RBMS3: variants seen among roughly 807,000 people sequenced by gnomAD.
RBMS3 encodes the protein RNA binding motif single stranded interacting protein 3, also known as RNA-binding motif, single-stranded-interacting protein 3.
RBMS3 carries 27 observed loss-of-function variants against 66.8 expected under a neutral mutation model. That is an observed-to-expected ratio of 0.40 (90% CI 0.30 to 0.56). RBMS3 has a LOEUF of 0.56. RBMS3 is among the 20% of genes least tolerant of loss of function. The probability of loss-of-function intolerance (pLI) is 0.40; values close to 1 mark genes in which losing one functional copy is unlikely to be tolerated. For synonymous variants in RBMS3, 188 were observed against 183.0 expected, an observed-to-expected ratio of 1.03 and a Z score of -0.22; for missense variants, 513 against 549.5, an observed-to-expected ratio of 0.93 and a Z score of 0.66.
intron 3 of RBMS3, among the ~76,000 whole-genome samples, chr3:29,546,178 ATTTAT>A (rs1412828868): frequency 6.6e-4 from 100 of 151,012 alleles, no homozygotes; most frequent in African/African-American, 2.3e-3. Context: ...GCACATACAC[ATTTAT>A]TTTTTATTTA....
At chr3:29,990,866 C>T (rs906729416) in intron 13 of RBMS3, among the ~76,000 whole-genome samples, 2 of 152,166 alleles carry the variant, frequency 1.3e-5, no homozygotes, top group African/African-American at 4.8e-5. Context: ...ACTCCAACAA[C>T]TTCTAATGGC....
At chr3:29,428,744 GC>G (rs2041063411) in intron 1 of RBMS3, among the ~76,000 whole-genome samples, 1 of 152,130 alleles carries the variant, frequency 6.6e-6, no homozygotes, top group African/African-American at 2.4e-5. Context: ...AGATCTACAA[GC>G]CAGTTCATTT....
intron 13 of RBMS3, among the ~76,000 whole-genome samples, chr3:29,990,090 C>T (rs953742768): frequency 2.0e-5 from 3 of 152,018 alleles, no homozygotes; most frequent in Non-Finnish European, 4.4e-5. Context: ...TAAGGAAAAG[C>T]ATTAATTCAT....
intron 7 of RBMS3, among the ~76,000 whole-genome samples, chr3:29,871,080 G>A (rs1205655606): frequency 6.6e-6 from 1 of 151,968 alleles, no homozygotes; most frequent in Non-Finnish European, 1.5e-5. Flanking sequence ...TGATAAAGTT[G>A]TCATGATACA....
At chr3:29,531,719 C>T (rs1174664697) in intron 3 of RBMS3, among the ~76,000 whole-genome samples, 2 of 152,306 alleles carry the variant, frequency 1.3e-5, no homozygotes, top group Admixed American at 6.5e-5. Flanking sequence ...CAGTTCTGTG[C>T]ATCTGCAGGA....
At chr3:29,335,429 A>T (rs1031364794) in intron 1 of RBMS3, among the ~76,000 whole-genome samples, 6 of 152,132 alleles carry the variant, frequency 3.9e-5, no homozygotes, top group African/African-American at 1.4e-4. Flanking sequence ...AAGGTTAAGC[A>T]TTTATTTTGG....
intron 11 of RBMS3, among the ~76,000 whole-genome samples, chr3:29,937,372 G>A (rs1159231217): frequency 6.6e-6 from 1 of 151,916 alleles, no homozygotes; most frequent in African/African-American, 2.4e-5. Flanking sequence ...CACTAGTTGT[G>A]TATCAGGAAT....
chr3:29,417,162 AT>A (rs2040511473), intron 1 of RBMS3, among the ~76,000 whole-genome samples: 1 of 151,796 alleles, frequency 6.6e-6, no homozygotes, highest in Non-Finnish European at 1.5e-5. Flanking sequence ...TACATTTTTT[AT>A]TTTCATGTTG....
chr3:29,535,007 C>A (rs1273207836), intron 3 of RBMS3, among the ~76,000 whole-genome samples: 1 of 151,746 alleles, frequency 6.6e-6, no homozygotes, highest in Non-Finnish European at 1.5e-5. Flanking sequence ...ATGGACACTG[C>A]TAAACTAAAT....
intron 3 of RBMS3, among the ~76,000 whole-genome samples, chr3:29,570,350 A>T (rs1267297160): frequency 2.6e-5 from 4 of 152,068 alleles, no homozygotes; most frequent in African/African-American, 9.7e-5. Flanking sequence ...TTAGTTATTT[A>T]AAAATGTACA....
chr3:29,950,193 G>A (rs574402317), intron 12 of RBMS3, among the ~76,000 whole-genome samples: 1 of 151,904 alleles, frequency 6.6e-6, no homozygotes, highest in South Asian at 2.1e-4. Flanking sequence ...ACCCTCTGTG[G>A]CAAGGACAGA....
At chr3:29,761,448 G>C (rs1198198540) in intron 5 of RBMS3, among the ~76,000 whole-genome samples, 1 of 151,950 alleles carries the variant, frequency 6.6e-6, no homozygotes, top group East Asian at 1.9e-4. Flanking sequence ...CCACATGCTT[G>C]CTCTCTCTAC....
At chr3:29,772,759 G>A (rs1478630509) in intron 6 of RBMS3, among the ~76,000 whole-genome samples, 1 of 151,868 alleles carries the variant, frequency 6.6e-6, no homozygotes, top group Non-Finnish European at 1.5e-5. Flanking sequence ...CTAAAGTAAG[G>A]CCAAATAAAG....
rs141981170 is a variant in RBMS3 at position 29,553,464 on chromosome 3, C to A, written c.308-33650C>A. Among the ~76,000 whole-genome samples the A allele has an allele frequency of 2.7e-3, 415 of 152,124 alleles. 1 individual carries two copies. The highest frequency in any genetic ancestry group is 9.7e-3 in the African/African-American group (402 of 41,500). On this transcript the variant is annotated intron_variant, in intron 3 of 14. Coordinates refer to ENST00000383767, the MANE Select transcript of RBMS3 (RefSeq NM_001003793.3). The stretch of plus-strand genomic sequence containing the variant: ...CCAGTTTAGACAGAGGGGATCAGGT[C>A]TTTTTACACCCCTCACATTGATGAG...
At chr3:29,925,310 T>C (rs893228433) in intron 10 of RBMS3, 3 of 152,164 alleles carry the variant, frequency 2.0e-5, no homozygotes, top group Admixed American at 6.5e-5. Context: ...GCATATACCA[T>C]CTCTTCTAAT....
chr3:29,964,883 C>A (rs1379103236), intron 12 of RBMS3, among the ~76,000 whole-genome samples: 14 of 152,074 alleles, frequency 9.2e-5, no homozygotes, highest in African/African-American at 3.4e-4. Flanking sequence ...CCCACTCTTC[C>A]CCCTTTGTCC....
chr3:29,564,687 G>A (rs1439127468), intron 3 of RBMS3, among the ~76,000 whole-genome samples: 1 of 151,902 alleles, frequency 6.6e-6, no homozygotes, highest in Non-Finnish European at 1.5e-5. Flanking sequence ...GTTTGGTTTT[G>A]TCTACCTCAA....
chr3:29,728,557 A>T (rs781780729), intron 4 of RBMS3, among the ~76,000 whole-genome samples: 3 of 152,204 alleles, frequency 2.0e-5, no homozygotes, highest in Non-Finnish European at 4.4e-5. Flanking sequence ...GCAAGACAGT[A>T]TCACCTAGTT....
At chr3:29,649,577 T>A (rs1325051040) in intron 4 of RBMS3, among the ~76,000 whole-genome samples, 1 of 152,146 alleles carries the variant, frequency 6.6e-6, no homozygotes, top group Non-Finnish European at 1.5e-5. Flanking sequence ...CTTATTATAA[T>A]CATATGTGGG....
Sources: gnomAD v4.1 joint callset for allele counts (sites outside exome capture counted in the v4.1 genomes callset) on GRCh38, gnomAD v4.1.1 for gene constraint, MANE v1.5 for transcripts, NCBI Gene and HGNC (gene_info 2026-07-23, HGNC 2026-07-21) for gene names.